The following INSYN2B variants were observed in gnomAD, a reference collection of about 807,000 sequenced individuals.
INSYN2B encodes inhibitory synaptic factor family member 2B, also known as protein INSYN2B.
Under a neutral mutation model 41.2 loss-of-function variants are expected in INSYN2B, and 16 were observed. The observed-to-expected ratio is 0.39, with a 90% CI of 0.26 to 0.59. The LOEUF (loss-of-function observed/expected upper bound fraction) is 0.59. INSYN2B is among the 20% of genes least tolerant of loss of function. The pLI is 0.57. For synonymous variants in INSYN2B, 245 were observed against 244.4 expected, an observed-to-expected ratio of 1.00 and a Z score of -0.02; for missense variants, 608 against 646.4, an observed-to-expected ratio of 0.94 and a Z score of 0.64.
chr5:169,891,149 T>A (rs1773256769), intron 1 of INSYN2B, among the ~76,000 whole-genome samples: 2 of 152,124 alleles, frequency 1.3e-5, no homozygotes, highest in African/African-American at 4.8e-5. Flanking sequence ...GCTAGATTCA[T>A]TCTCATCATC....
intron 1 of INSYN2B, among the ~76,000 whole-genome samples, chr5:169,906,219 C>T (rs534585675): frequency 2.0e-4 from 31 of 152,260 alleles, no homozygotes; most frequent in African/African-American, 5.8e-4. Flanking sequence ...TTCTTTCTGA[C>T]GTCAAACGCA....
Position 169,862,494 on chromosome 5 carries a change from G to A in INSYN2B, c.*1779C>T, listed in dbSNP as rs1021025811. On this transcript the variant is annotated 3_prime_UTR_variant, in exon 4 of 4. Coordinates refer to ENST00000377365, the MANE Select transcript of INSYN2B (RefSeq NM_001129891.3). ...TGCTGGGGCCAACTGACAGTTGATC[G>A]TATGGATACAGGAAAAAAAAAATCT... Among the ~76,000 whole-genome samples, 1 of 150,956 alleles carries A rather than the reference G, an allele frequency of 6.6e-6. No individual in the cohort carries two copies. The highest frequency in any genetic ancestry group is 1.5e-5 in the Non-Finnish European group (1 of 67,728).
At chr5:169,878,308 A>T (rs1772446349) in intron 3 of INSYN2B, among the ~76,000 whole-genome samples, 1 of 152,208 alleles carries the variant, frequency 6.6e-6, no homozygotes, top group Non-Finnish European at 1.5e-5. Flanking sequence ...TACCATCTAC[A>T]CAGTTATTCA....
At chr5:169,961,401 G>T (rs1777081368) in intron 1 of INSYN2B, among the ~76,000 whole-genome samples, 2 of 152,246 alleles carry the variant, frequency 1.3e-5, no homozygotes, top group Non-Finnish European at 2.9e-5. Context: ...TATTACCTTT[G>T]CCTGCTAATC....
At chr5:169,872,288 G>A (rs759189755) in intron 3 of INSYN2B, among the ~76,000 whole-genome samples, 10 of 152,136 alleles carry the variant, frequency 6.6e-5, no homozygotes, top group Admixed American at 2.6e-4. Flanking sequence ...TTTGGTTCTC[G>A]TCCATTTGGA....
intron 1 of INSYN2B, among the ~76,000 whole-genome samples, chr5:169,972,908 C>A (rs998887703): frequency 4.6e-5 from 7 of 152,148 alleles, no homozygotes; most frequent in African/African-American, 1.4e-4. Context: ...CAACCACCCC[C>A]CTCCCCAATA....
chr5:169,897,310 A>C (rs1773669489), intron 1 of INSYN2B, among the ~76,000 whole-genome samples: 1 of 151,908 alleles, frequency 6.6e-6, no homozygotes, highest in South Asian at 2.1e-4. Flanking sequence ...TCAGCCTCCC[A>C]AGTAGCTGGG....
chr5:169,963,702 T>C (rs777095570), intron 1 of INSYN2B, among the ~76,000 whole-genome samples: 6 of 152,086 alleles, frequency 3.9e-5, no homozygotes, highest in Non-Finnish European at 7.4e-5. Context: ...TTTCTTTGCC[T>C]CAGTTTCTGC....
intron 1 of INSYN2B, among the ~76,000 whole-genome samples, chr5:169,948,467 ATCTC>A (rs888843805): frequency 3.2e-4 from 49 of 151,030 alleles, no homozygotes; most frequent in African/African-American, 9.9e-4. Context: ...CATCCCCTAC[ATCTC>A]TCTCTCTCTC....
intron 1 of INSYN2B, among the ~76,000 whole-genome samples, chr5:169,968,140 A>G (rs58683947): frequency 0.019 from 2,851 of 152,298 alleles, 88 homozygotes; most frequent in African/African-American, 0.062. Flanking sequence ...AAAGCTGACA[A>G]CACTTTGTAA....
rs1015785698 is a variant in INSYN2B, at chr5:169,932,212, C to T, written c.-918-47396G>A. Among the ~76,000 whole-genome samples, 38 of 152,178 alleles carry T rather than the reference C, an allele frequency of 2.5e-4. 2 individuals carry two copies. Among genetic ancestry groups the T allele is most frequent in the Non-Finnish European group, 5.4e-4 (37 of 68,024 alleles). On this transcript the variant is annotated intron_variant, in intron 1 of 3. Coordinates refer to ENST00000377365, the MANE Select transcript of INSYN2B (RefSeq NM_001129891.3). ...ATTTTTAGCATCACCTGCACACACA[C>T]ACAGAGTAAGGAGGGTGGGTCCCTG...
intron 1 of INSYN2B, among the ~76,000 whole-genome samples, chr5:169,957,930 A>G (rs1205541957): frequency 6.6e-6 from 1 of 152,216 alleles, no homozygotes; most frequent in Admixed American, 6.5e-5. Context: ...GGAGGTTTCC[A>G]GTGGGAAGTC....
chr5:169,948,280 G>A (rs1776523308), intron 1 of INSYN2B, among the ~76,000 whole-genome samples: 1 of 145,072 alleles, frequency 6.9e-6, no homozygotes, highest in South Asian at 2.1e-4. Context: ...TTAGTAGAGG[G>A]ATTCAGAACG....
chr5:169,892,022 A>T (rs1773325796), intron 1 of INSYN2B, among the ~76,000 whole-genome samples: 1 of 151,948 alleles, frequency 6.6e-6, no homozygotes, highest in Admixed American at 6.6e-5. Flanking sequence ...AGAAAAAGAA[A>T]AAAGAAAAGA....
intron 1 of INSYN2B, among the ~76,000 whole-genome samples, chr5:169,953,034 GA>G (rs1233292894): frequency 2.6e-5 from 4 of 152,210 alleles, no homozygotes; most frequent in African/African-American, 9.6e-5. Context: ...AATTAAAAGA[GA>G]ATTTGGGGCC....
intron 1 of INSYN2B, among the ~76,000 whole-genome samples, chr5:169,913,010 G>T (rs1002725051): frequency 1.3e-5 from 2 of 152,106 alleles, no homozygotes; most frequent in South Asian, 2.1e-4. Context: ...GTAGTAAATT[G>T]TTCCTCAATT....
Position 169,882,634 on chromosome 5 carries a change from G to T in INSYN2B, c.1265C>A (p.Ser422Tyr). 1 of 1,551,978 alleles carries T rather than the reference G, an allele frequency of 6.4e-7. No individual in the cohort carries two copies. The highest frequency in any genetic ancestry group is 8.7e-7 in the Non-Finnish European group (1 of 1,146,992). Residue 422 changes from serine (S) to tyrosine (Y), a missense_variant, in exon 2 of 4, where the codon TCT becomes TAT. By Grantham distance (144) the Ser-to-Tyr change is moderately radical. Transcript: ENST00000377365. ...LQGRLQSVEE[S>Y]LHSNQEKIKV... ...AATTTTCTCTTGGTTCGAGTGCAGA[G>T]ATTCCTCCACAGATTGCAGTCGGCC...
chr5:169,967,197 G>T (rs1001523737), intron 1 of INSYN2B, among the ~76,000 whole-genome samples: 1 of 152,218 alleles, frequency 6.6e-6, no homozygotes, highest in African/African-American at 2.4e-5. Flanking sequence ...AAAGTGATAT[G>T]CACAGGGACA....
intron 1 of INSYN2B, chr5:169,934,756 G>A (rs1421121681): frequency 4.4e-6 from 2 of 455,262 alleles, no homozygotes; most frequent in Admixed American, 4.7e-5. Flanking sequence ...TCAGTGCTCA[G>A]TAAATGCTAG....
Sources: allele counts gnomAD v4.1 joint callset (sites outside exome capture counted in the v4.1 genomes callset), GRCh38; gene constraint gnomAD v4.1.1; transcripts MANE v1.5; gene names NCBI Gene and HGNC (gene_info 2026-07-23, HGNC 2026-07-21).